The following ALPK1 variants were observed in gnomAD, a reference collection of about 807,000 sequenced individuals.
The protein encoded by ALPK1 is alpha kinase 1, also known as alpha-protein kinase 1.
A neutral mutation model predicts 120.6 loss-of-function variants in ALPK1; 110 were observed. The ratio of observed to expected loss-of-function variants is 0.91; its 90% CI spans 0.78 to 1.07. The LOEUF is 1.07. Among genes scored for constraint, ALPK1 ranks in the 50% least tolerant of loss-of-function variants. The pLI, the probability that ALPK1 is intolerant of heterozygous loss-of-function variation, is 0.00. For missense variants in ALPK1, 1,498 were observed against 1,483.9 expected (o/e 1.01, Z -0.16); for synonymous variants, 582 against 560.3 (o/e 1.04, Z -0.55).
intron 5 of ALPK1, among the ~76,000 whole-genome samples, chr4:112,413,973 G>A (rs1733611533): frequency 2.6e-5 from 4 of 152,174 alleles, no homozygotes; most frequent in Admixed American, 2.6e-4. Flanking sequence ...TAACCTCAGA[G>A]TTAAGTCTTC....
intron 1 of ALPK1, among the ~76,000 whole-genome samples, chr4:112,314,877 T>TC (rs1491197591): frequency 3.3e-4 from 30 of 90,700 alleles, no homozygotes; most frequent in Non-Finnish European, 3.6e-4. Flanking sequence ...ATCCATTGCC[T>TC]TTTTTTTTTT....
intron 2 of ALPK1, among the ~76,000 whole-genome samples, chr4:112,329,054 CTG>C (rs1283129674): frequency 2.0e-5 from 3 of 152,178 alleles, no homozygotes; most frequent in African/African-American, 7.2e-5. Context: ...AGTCCAGAAA[CTG>C]TGCCGTTTTC....
intron 4 of ALPK1, among the ~76,000 whole-genome samples, chr4:112,406,284 A>G (rs886555659): frequency 1.5e-4 from 23 of 152,348 alleles, no homozygotes; most frequent in African/African-American, 5.5e-4. Context: ...CATGCAATGG[A>G]ATATTATTCA....
At chr4:112,358,391 C>T (rs956650032) in intron 2 of ALPK1, 30 of 613,094 alleles carry the variant, frequency 4.9e-5, no homozygotes, top group Admixed American at 1.0e-4. Flanking sequence ...ACCCAGTTTG[C>T]GTGAGGCAGA....
chr4:112,417,228 T>A (rs1247149628), intron 5 of ALPK1, among the ~76,000 whole-genome samples: 1 of 152,094 alleles, frequency 6.6e-6, no homozygotes, highest in East Asian at 1.9e-4. Flanking sequence ...CACTAAAGGA[T>A]GCATTTTTCT....
At chr4:112,407,499 G>A (rs184670459) in intron 4 of ALPK1, among the ~76,000 whole-genome samples, 10 of 152,160 alleles carry the variant, frequency 6.6e-5, no homozygotes, top group African/African-American at 2.4e-4. Context: ...TTAAAAATAA[G>A]TAAATAAAAA....
chr4:112,434,557 C>T (rs368800136), intron 11 of ALPK1, among the ~76,000 whole-genome samples: 3 of 152,240 alleles, frequency 2.0e-5, no homozygotes, highest in South Asian at 4.1e-4. Context: ...TTCTTCCTTT[C>T]TATAAGGTGG....
intron 5 of ALPK1, chr4:112,423,608 G>C (rs1033400307): frequency 2.3e-6 from 1 of 426,516 alleles, no homozygotes; most frequent in Admixed American, 3.1e-5. Context: ...TCCACTTCCT[G>C]AAGTATAGTT....
chr4:112,402,005 A>G (rs1035238022), intron 4 of ALPK1, among the ~76,000 whole-genome samples: 1 of 152,136 alleles, frequency 6.6e-6, no homozygotes, highest in African/African-American at 2.4e-5. Flanking sequence ...GGAGCATGCT[A>G]TGTTTGGTCT....
chr4:112,415,701 A>T (rs1733717242), intron 5 of ALPK1, among the ~76,000 whole-genome samples: 1 of 152,132 alleles, frequency 6.6e-6, no homozygotes, highest in African/African-American at 2.4e-5. Context: ...ATTGATGGGG[A>T]ATTCCCCACA....
intron 11 of ALPK1, 143 bp downstream of exon 11, chr4:112,432,724 C>T: frequency 1.3e-6 from 1 of 777,708 alleles, no homozygotes; most frequent in Non-Finnish European, 2.0e-6. Flanking sequence ...GAAATGTATA[C>T]TTCAGGGGTC....
intron 2 of ALPK1, chr4:112,358,346 C>T (rs556665709): frequency 2.7e-5 from 16 of 596,812 alleles, no homozygotes; most frequent in East Asian, 9.5e-5. Flanking sequence ...TGTTGCTGAG[C>T]GAACTATGCC....
chr4:112,346,896 G>T (rs765230968), intron 2 of ALPK1, among the ~76,000 whole-genome samples: 3 of 152,080 alleles, frequency 2.0e-5, no homozygotes, highest in Admixed American at 6.5e-5. Context: ...CATAAATAAC[G>T]ACCCCACTTC....
chr4:112,315,537 T>C (rs935575399), intron 1 of ALPK1, among the ~76,000 whole-genome samples: 1 of 152,188 alleles, frequency 6.6e-6, no homozygotes, highest in African/African-American at 2.4e-5. Context: ...AAGAGGTTTG[T>C]CCCCAGTCAA....
intron 2 of ALPK1, among the ~76,000 whole-genome samples, chr4:112,339,383 A>C (rs1198294341): frequency 6.6e-6 from 1 of 152,266 alleles, no homozygotes; most frequent in Non-Finnish European, 1.5e-5. Context: ...GTAAAATAAC[A>C]TTAGATAGTG....
chr4:112,323,574 C>G lies in ALPK1; in HGVS notation c.-101+7722C>G, dbSNP rs539260800. ...AAGCATGGAATTGGTAATACACAGG[C>G]TATACGTTTTGGACAACATAGAACA... On this transcript the variant is annotated intron_variant, in intron 2 of 15. Transcript: ENST00000650871. Among the ~76,000 whole-genome samples the G allele has an allele frequency of 4.6e-5, 7 of 152,216 alleles. No homozygotes were observed. In the South Asian group the frequency reaches 1.5e-3, roughly 32 times the overall value.
intron 2 of ALPK1, among the ~76,000 whole-genome samples, chr4:112,377,093 G>A (rs1448348036): frequency 7.2e-5 from 11 of 152,092 alleles, no homozygotes; most frequent in South Asian, 4.1e-4. Context: ...AGATCCATCC[G>A]TTTGATGGAT....
chr4:112,415,531 G>A lies in ALPK1; in HGVS notation c.475+3506G>A, dbSNP rs111515654. Among the ~76,000 whole-genome samples the A allele has an allele frequency of 8.2e-3, 1,253 of 152,182 alleles. 17 individuals are homozygous for A. The highest frequency in any genetic ancestry group is 0.029 in the African/African-American group (1,186 of 41,502). On this transcript the variant is annotated intron_variant, in intron 5 of 15. Coordinates refer to ENST00000650871, the MANE Select transcript of ALPK1 (RefSeq NM_025144.4). ...AGGCGCACGAAATCCCAGCTACTTG[G>A]GAGGCTGAGGCGGGAGAATTGCTTG...
chr4:112,429,864 AGAG>A (rs367567899), intron 10 of ALPK1, among the ~76,000 whole-genome samples: 1 of 149,814 alleles, frequency 6.7e-6, no homozygotes, highest in Non-Finnish European at 1.5e-5. Flanking sequence ...AGAAAAGAAA[AGAG>A]AAAAAGAAAA....
Sources: allele counts gnomAD v4.1 joint callset (sites outside exome capture counted in the v4.1 genomes callset), GRCh38; gene constraint gnomAD v4.1.1; transcripts MANE v1.5; gene names NCBI Gene and HGNC (gene_info 2026-07-23, HGNC 2026-07-21).